The following SDK2 variants were observed in gnomAD, a reference collection of about 807,000 sequenced individuals.
SDK2 encodes the protein sidekick cell adhesion molecule 2, also known as protein sidekick-2.
In SDK2, 105 loss-of-function variants were observed where a neutral mutation model predicts 253.9. The ratio of observed to expected loss-of-function variants is 0.41; its 90% CI spans 0.35 to 0.49. SDK2 has a LOEUF of 0.49. Among genes scored for constraint, SDK2 ranks in the 20% least tolerant of loss-of-function variants. SDK2 has a pLI of 0.06. For missense variants in SDK2, 2,608 were observed against 3,003.0 expected (o/e 0.87, Z 3.07); for synonymous variants, 1,249 against 1,234.9 (o/e 1.01, Z -0.24).
At chr17:73,567,173 G>T (rs2045324900) in intron 1 of SDK2, among the ~76,000 whole-genome samples, 3 of 152,240 alleles carry the variant, frequency 2.0e-5, no homozygotes, top group Admixed American at 2.0e-4. Flanking sequence ...GCCCCAGGAG[G>T]CTGCTCCCTG....
chr17:73,545,092 C>T (rs553849589), intron 1 of SDK2, among the ~76,000 whole-genome samples: 5 of 139,020 alleles, frequency 3.6e-5, no homozygotes, highest in South Asian at 4.5e-4. Flanking sequence ...ATTGCGTGCA[C>T]GTGCACGCAC....
chr17:73,596,779 C>T (rs2045765034), intron 1 of SDK2, among the ~76,000 whole-genome samples: 2 of 152,236 alleles, frequency 1.3e-5, no homozygotes, highest in South Asian at 4.1e-4. Context: ...CATCCTCCCT[C>T]CATGGCCTCC....
chr17:73,619,972 G>T (rs559498779), intron 1 of SDK2, among the ~76,000 whole-genome samples: 3 of 152,192 alleles, frequency 2.0e-5, no homozygotes, highest in Non-Finnish European at 4.4e-5. Flanking sequence ...ACTGAGGCAG[G>T]CAGTTTGCTT....
chr17:73,379,257 C>A lies in SDK2; in HGVS notation c.4900G>T (p.Gly1634Cys). 6.4e-7 allele frequency: 1 copy of A among 1,554,442 alleles called. No homozygotes were observed. Among genetic ancestry groups the A allele is most frequent in the Non-Finnish European group, 8.7e-7 (1 of 1,148,680 alleles). The change falls in exon 36 of 45, where the codon GGC (glycine) becomes TGC (cysteine). Residue 1634 changes from glycine to cysteine, a missense_variant. This residue lies in a region of SDK2 where 1,103 missense variants were observed against 1,143.9 expected (regional missense o/e 0.96). Coordinates refer to ENST00000392650, the MANE Select transcript of SDK2 (RefSeq NM_001144952.2). This position sits in a 1 kb window ranked among gnomAD's most constrained non-coding sequence, Gnocchi z 4.5. ...ACGTCCAGCTGTGTGGCCGTGGCGCCGTGGACGACCACGTTACGAGGTGCT... is the reference window on the plus strand; with the variant it reads ...ACGTCCAGCTGTGTGGCCGTGGCGCAGTGGACGACCACGTTACGAGGTGCT... ...TAAPRNVVVHGATATQLDVTW... is the reference protein window; with the variant it reads ...TAAPRNVVVHCATATQLDVTW...
chr17:73,592,266 C>T (rs1472965877), intron 1 of SDK2, among the ~76,000 whole-genome samples: 2 of 152,244 alleles, frequency 1.3e-5, no homozygotes, highest in Admixed American at 1.3e-4. Context: ...CTAGGCCTCT[C>T]GGCCCCCATC....
chr17:73,561,751 G>A (rs2045238472), intron 1 of SDK2, among the ~76,000 whole-genome samples: 1 of 152,334 alleles, frequency 6.6e-6, no homozygotes, highest in East Asian at 1.9e-4. Context: ...CTCTGTTCCA[G>A]GGCTGGATGA....
At chr17:73,553,577 G>T (rs1310635776) in intron 1 of SDK2, among the ~76,000 whole-genome samples, 1 of 152,176 alleles carries the variant, frequency 6.6e-6, no homozygotes, top group Non-Finnish European at 1.5e-5. Flanking sequence ...AAGGACAGGG[G>T]GGGACAGAGA....
At chr17:73,621,703 A>G (rs1599732762) in intron 1 of SDK2, among the ~76,000 whole-genome samples, 1 of 152,222 alleles carries the variant, frequency 6.6e-6, no homozygotes, top group South Asian at 2.1e-4. Flanking sequence ...TAACCAAAAC[A>G]TGGAGACAAT....
At chr17:73,601,378 A>T (rs2045837957) in intron 1 of SDK2, among the ~76,000 whole-genome samples, 1 of 152,150 alleles carries the variant, frequency 6.6e-6, no homozygotes, top group Non-Finnish European at 1.5e-5. Flanking sequence ...TGGGTGGAAT[A>T]GTGTCCCCCC....
intron 28 of SDK2, 51 bp downstream of exon 28, chr17:73,391,389 A>G: frequency 9.0e-7 from 1 of 1,112,472 alleles, no homozygotes; most frequent in South Asian, 4.4e-5. Context: ...TTTGCAGCTC[A>G]TGCCTCTTCC....
intron 1 of SDK2, among the ~76,000 whole-genome samples, chr17:73,533,882 C>A (rs1420500391): frequency 6.6e-6 from 1 of 152,216 alleles, no homozygotes; most frequent in Non-Finnish European, 1.5e-5. Context: ...TCTCCCCCAT[C>A]TGTTGTGATT....
chr17:73,377,067 C>T (rs1269272115), intron 36 of SDK2, among the ~76,000 whole-genome samples: 1 of 152,152 alleles, frequency 6.6e-6, no homozygotes, highest in Non-Finnish European at 1.5e-5. Flanking sequence ...CTCTCCTACT[C>T]CCCACTTAAG....
At position 73,433,868 on chromosome 17, in the gene SDK2, G is replaced by A. The variant is rs1374637715; in HGVS notation, c.1196-20C>T. 1.4e-6 allele frequency: 2 copies of A among 1,469,620 alleles called. No homozygotes were observed. Among genetic ancestry groups the A allele is most frequent in the East Asian group, 2.6e-5 (1 of 39,178 alleles). 91.0% of individuals were successfully genotyped at this position (1,469,620 alleles called of 1,614,324 possible). Reference sequence around the variant, plus strand: ...CGATGCCTGCAAACAGAGAAGTGGGGCCTTTTAGCCACACCCTGGGAGATG... The same window carrying A: ...CGATGCCTGCAAACAGAGAAGTGGGACCTTTTAGCCACACCCTGGGAGATG... On this transcript the variant is annotated intron_variant, in intron 9 of 44. Coordinates refer to ENST00000392650, the MANE Select transcript of SDK2 (RefSeq NM_001144952.2).
At chr17:73,444,435 G>A (rs2063437247) in intron 5 of SDK2, among the ~76,000 whole-genome samples, 1 of 152,196 alleles carries the variant, frequency 6.6e-6, no homozygotes, top group South Asian at 2.1e-4. Flanking sequence ...AAGAGGAGGG[G>A]TGTCTTCCCG....
chr17:73,634,903 C>A (rs945280139), intron 1 of SDK2, among the ~76,000 whole-genome samples: 1 of 152,132 alleles, frequency 6.6e-6, no homozygotes, highest in Non-Finnish European at 1.5e-5. Context: ...GAGGCATAGA[C>A]AGGGTGTGTA....
At chr17:73,614,697 GGGGA>G (rs1252873234) in intron 1 of SDK2, among the ~76,000 whole-genome samples, 65 of 83,206 alleles carry the variant, frequency 7.8e-4, no homozygotes, top group Non-Finnish European at 1.1e-3. Flanking sequence ...GTTTGAAAAG[GGGGA>G]GGGAGGGAGG....
In SDK2 at chr17:73,437,904, G is replaced by C. The variant is rs2063382522; in HGVS notation, c.916+60C>G. The C allele has an allele frequency of 3.1e-6, 5 of 1,595,690 alleles. No homozygotes were observed. In the African/African-American group the frequency reaches 4.0e-5, roughly 13 times the overall value. ...ACTGTAGGGGGTCACCCTTAAGGAG[G>C]ACCCTCGCCGTGCTGCCCCTACCCC... On this transcript the variant is annotated intron_variant, in intron 7 of 44. Coordinates refer to ENST00000392650, the MANE Select transcript of SDK2 (RefSeq NM_001144952.2).
At chr17:73,477,229 A>G (rs1567795431) in intron 2 of SDK2, among the ~76,000 whole-genome samples, 2 of 151,770 alleles carry the variant, frequency 1.3e-5, no homozygotes, top group Admixed American at 1.3e-4. Flanking sequence ...ACCAAGACAC[A>G]CTCAGCCCAC....
At position 73,483,682 on chromosome 17, in the gene SDK2, TTTA is replaced by T. The variant is rs1567799325; in HGVS notation, c.225-11467_225-11465del. Among the ~76,000 whole-genome samples, 224 of 49,578 alleles carry T rather than the reference TTTA, an allele frequency of 4.5e-3. 15 individuals carry two copies. Among genetic ancestry groups the T allele is most frequent in the Admixed American group, 6.3e-3 (22 of 3,468 alleles). The allele number at this position is 49,578 out of a possible 152,430, so 32.5% of individuals were successfully genotyped here. On this transcript the variant is annotated intron_variant, in intron 2 of 44. Coordinates refer to ENST00000392650, the MANE Select transcript of SDK2 (RefSeq NM_001144952.2). ...GTGTGTATATATATATATATATATA[TTTA>T]TATATATATATATATATATATATTT...
Sources: allele counts gnomAD v4.1 joint callset (sites outside exome capture counted in the v4.1 genomes callset), GRCh38; gene constraint gnomAD v4.1.1; regional missense constraint gnomAD v4.1.1; non-coding constraint Gnocchi (gnomAD v3.1); transcripts MANE v1.5; gene names NCBI Gene and HGNC (gene_info 2026-07-23, HGNC 2026-07-21).